TMEM163: variants seen among roughly 807,000 people sequenced by gnomAD.
TMEM163 encodes the protein transmembrane protein 163.
In TMEM163, 17 loss-of-function variants were observed where a neutral mutation model predicts 29.3. That is an observed-to-expected ratio of 0.58 (90% CI 0.40 to 0.87). The LOEUF (loss-of-function observed/expected upper bound fraction) is 0.87, where lower values mean the gene tolerates loss of function less well. TMEM163 is among the 40% of genes least tolerant of loss of function. TMEM163 has a pLI of 0.00. For missense variants in TMEM163, 303 were observed against 381.5 expected (o/e 0.79, Z 1.71); for synonymous variants, 157 against 160.6 (o/e 0.98, Z 0.17).
intron 2 of TMEM163, among the ~76,000 whole-genome samples, chr2:134,671,030 C>G (rs958215763): frequency 1.3e-5 from 2 of 152,176 alleles, no homozygotes; most frequent in Non-Finnish European, 2.9e-5. Flanking sequence ...CCCCAGGTTG[C>G]TCTCAAAGGA....
At chr2:134,652,864 A>G (rs1169481140) in intron 2 of TMEM163, among the ~76,000 whole-genome samples, 4 of 75,364 alleles carry the variant, frequency 5.3e-5, no homozygotes, top group Non-Finnish European at 9.9e-5. Context: ...ATTTGCGTAT[A>G]TTGAACCAGC....
At chr2:134,592,846 A>C (rs1483879196) in intron 2 of TMEM163, among the ~76,000 whole-genome samples, 1 of 151,750 alleles carries the variant, frequency 6.6e-6, no homozygotes, top group Non-Finnish European at 1.5e-5. Context: ...ACACATGTAT[A>C]TAGAGATACA....
At position 134,510,370 on chromosome 2, in the gene TMEM163, G is replaced by A. The variant is rs570392229; in HGVS notation, c.459-7373C>T. On this transcript the variant is annotated intron_variant, in intron 4 of 7. Transcript: ENST00000281924. ...GAAACCTTTGTGGTGACAGGAAGTC[G>A]CTGCAGCATTTTAAGCAAAGGAGAC... 2.0e-4 allele frequency among the ~76,000 whole-genome samples: 30 copies of A among 152,310 alleles called. 1 individual carries two copies. In the South Asian group the frequency reaches 2.9e-3, roughly 15 times the overall value.
At chr2:134,712,713 T>C (rs1320194871) in intron 2 of TMEM163, among the ~76,000 whole-genome samples, 1 of 152,188 alleles carries the variant, frequency 6.6e-6, no homozygotes, top group East Asian at 1.9e-4. Flanking sequence ...CCACGGCCAC[T>C]GAAAACTTGA....
At chr2:134,623,452 C>A (rs1183962605) in intron 2 of TMEM163, among the ~76,000 whole-genome samples, 2 of 152,242 alleles carry the variant, frequency 1.3e-5, no homozygotes, top group East Asian at 3.9e-4. Context: ...TCACAATGTC[C>A]AAACCACCCT....
intron 4 of TMEM163, among the ~76,000 whole-genome samples, chr2:134,534,821 T>C (rs964996708): frequency 6.6e-6 from 1 of 150,742 alleles, no homozygotes; most frequent in African/African-American, 2.4e-5. Context: ...CCGTAAAGAG[T>C]CTCTCTGTGA....
intron 4 of TMEM163, among the ~76,000 whole-genome samples, chr2:134,517,924 A>T (rs1680110471): frequency 6.6e-6 from 1 of 151,664 alleles, no homozygotes; most frequent in Non-Finnish European, 1.5e-5. Flanking sequence ...GCTTCCTTTC[A>T]TATATCACTA....
chr2:134,547,473 C>T (rs566939924), intron 4 of TMEM163, among the ~76,000 whole-genome samples: 1 of 152,292 alleles, frequency 6.6e-6, no homozygotes, highest in South Asian at 2.1e-4. Context: ...GGGCCAGTTG[C>T]ATATTTTCCA....
rs376218923 is a variant in TMEM163, at chr2:134,549,955, A to G, written c.458+615T>C. Among the ~76,000 whole-genome samples the G allele has an allele frequency of 1.4e-4, 21 of 152,322 alleles. No individual in the cohort carries two copies. In the East Asian group the frequency reaches 2.9e-3, roughly 21 times the overall value. ...CAGACGAGGGAATGAGGCACAGAGC[A>G]GTTACTGGCTTCCATAATCACAGAG... is the stretch of plus-strand genomic sequence containing the variant. On this transcript the variant is annotated intron_variant, in intron 4 of 7. Transcript: ENST00000281924.
chr2:134,675,805 G>A (rs1684102600), intron 2 of TMEM163, among the ~76,000 whole-genome samples: 1 of 152,126 alleles, frequency 6.6e-6, no homozygotes, highest in Non-Finnish European at 1.5e-5. Flanking sequence ...TTTCTCAAAA[G>A]CAGAAAGGCC....
At chr2:134,626,094 C>CTTTT (rs146008537) in intron 2 of TMEM163, among the ~76,000 whole-genome samples, 11 of 66,258 alleles carry the variant, frequency 1.7e-4, no homozygotes, top group East Asian at 2.8e-4. Context: ...ACTTTTCCAG[C>CTTTT]TTTTTTTTTT....
intron 2 of TMEM163, among the ~76,000 whole-genome samples, chr2:134,615,680 G>A (rs113420089): frequency 3.1e-5 from 4 of 128,010 alleles, no homozygotes; most frequent in South Asian, 2.7e-4. Flanking sequence ...TTTTTGAGAT[G>A]GAATCTGGCT....
At chr2:134,498,829 G>A (rs1679638315) in intron 5 of TMEM163, among the ~76,000 whole-genome samples, 1 of 152,234 alleles carries the variant, frequency 6.6e-6, no homozygotes, top group South Asian at 2.1e-4. Flanking sequence ...AGTGTGGGGA[G>A]AAGACAGACA....
chr2:134,529,919 G>T (rs936769396), intron 4 of TMEM163, among the ~76,000 whole-genome samples: 1 of 152,148 alleles, frequency 6.6e-6, no homozygotes, highest in African/African-American at 2.4e-5. Flanking sequence ...GGCGTGGAAG[G>T]CTACCATCAG....
At chr2:134,515,024 T>C (rs1558929680) in intron 4 of TMEM163, among the ~76,000 whole-genome samples, 1 of 152,234 alleles carries the variant, frequency 6.6e-6, no homozygotes, top group Non-Finnish European at 1.5e-5. Flanking sequence ...GTGCTGCTAT[T>C]GCAGCAAAGC....
intron 2 of TMEM163, among the ~76,000 whole-genome samples, chr2:134,629,622 C>T (rs1268545378): frequency 2.0e-5 from 3 of 152,134 alleles, no homozygotes; most frequent in South Asian, 4.1e-4. Context: ...TCTGATTATA[C>T]TACTTCCCCC....
chr2:134,704,931 G>A (rs1409048106), intron 2 of TMEM163, among the ~76,000 whole-genome samples: 2 of 152,070 alleles, frequency 1.3e-5, no homozygotes, highest in South Asian at 2.1e-4. Context: ...TGTTGAGGCC[G>A]GGTGTGGTGG....
At chr2:134,477,939 T>C (rs180792488) in intron 5 of TMEM163, among the ~76,000 whole-genome samples, 46 of 152,340 alleles carry the variant, frequency 3.0e-4, no homozygotes, top group African/African-American at 1.1e-3. Context: ...AGGTGGGGCC[T>C]GGTGGGAGGT....
chr2:134,609,001 C>T (rs1229530867), intron 2 of TMEM163, among the ~76,000 whole-genome samples: 14 of 95,574 alleles, frequency 1.5e-4, no homozygotes, highest in African/African-American at 5.7e-4. Flanking sequence ...GTGAAAAGGA[C>T]AGACCCCGAG....
Sources: gnomAD v4.1 joint callset for allele counts (sites outside exome capture counted in the v4.1 genomes callset) on GRCh38, gnomAD v4.1.1 for gene constraint, MANE v1.5 for transcripts, NCBI Gene and HGNC (gene_info 2026-07-23, HGNC 2026-07-21) for gene names.